ANAPC7: variants seen among roughly 807,000 people sequenced by gnomAD.
ANAPC7 encodes the protein anaphase promoting complex subunit 7, also known as anaphase-promoting complex subunit 7.
ANAPC7 carries 25 observed loss-of-function variants against 63.3 expected under a neutral mutation model. That is an observed-to-expected ratio of 0.39 (90% CI 0.29 to 0.55). ANAPC7 has a LOEUF of 0.55. Among genes scored for constraint, ANAPC7 ranks in the 20% least tolerant of loss-of-function variants. ANAPC7 has a pLI of 0.57. For synonymous variants in ANAPC7, 241 were observed against 251.7 expected (o/e 0.96, Z 0.40); for missense variants, 516 against 691.7 (o/e 0.75, Z 2.85).
chr12:110,403,095 C>CG (rs976522590), intron 1 of ANAPC7, among the ~76,000 whole-genome samples: 5 of 152,042 alleles, frequency 3.3e-5, no homozygotes, highest in Admixed American at 1.3e-4. Context: ...ATACACTTAA[C>CG]GGGGGGACCA....
At chr12:110,377,680 T>C in intron 8 of ANAPC7, 63 bp from the exon 9 acceptor site, 1 of 1,603,078 alleles carries the variant, frequency 6.2e-7, no homozygotes, top group Non-Finnish European at 8.5e-7. Context: ...ATGCTTCCAC[T>C]CTGACAGCTC....
At chr12:110,381,975 A>C in intron 7 of ANAPC7, 27 bp from the exon 8 acceptor site, 3 of 1,457,604 alleles carry the variant, frequency 2.1e-6, no homozygotes, top group South Asian at 1.3e-5. Flanking sequence ...AAAAAAAAAC[A>C]CAAAAACCCC....
At chr12:110,401,031 CA>C (rs1159806098) in intron 1 of ANAPC7, among the ~76,000 whole-genome samples, 2 of 152,138 alleles carry the variant, frequency 1.3e-5, no homozygotes, top group Admixed American at 6.5e-5. Context: ...GCCTGGGCAA[CA>C]AAGCAAGACT....
At chr12:110,403,416 G>C (rs2062262386) in intron 1 of ANAPC7, 111 bp downstream of exon 1, 1 of 1,253,536 alleles carries the variant, frequency 8.0e-7, no homozygotes. Flanking sequence ...CGGAGCCTCC[G>C]CTGGCGCCGG....
At chr12:110,396,931 C>G (rs1461414694) in intron 1 of ANAPC7, among the ~76,000 whole-genome samples, 1 of 151,182 alleles carries the variant, frequency 6.6e-6, no homozygotes, top group South Asian at 2.1e-4. Flanking sequence ...AGGCTGGGTG[C>G]GGTGGCTTAC....
intron 3 of ANAPC7, among the ~76,000 whole-genome samples, chr12:110,391,449 A>C (rs57821814): frequency 0.12 from 17,987 of 152,178 alleles, 1,341 homozygotes; most frequent in African/African-American, 0.22. Flanking sequence ...ATTTAGACAC[A>C]TTTTGACTCA....
At chr12:110,386,683 A>G (rs931887594) in intron 5 of ANAPC7, 8 of 475,880 alleles carry the variant, frequency 1.7e-5, no homozygotes, top group Non-Finnish European at 2.9e-5. Context: ...AGTACCAACA[A>G]ATAACTCTGT....
At position 110,376,216 on chromosome 12, in the gene ANAPC7, C is replaced by T. The variant is rs1401287008; in HGVS notation, c.1358G>A (p.Ser453Asn). ...KAVVKKAELL[S>N]REQKYEDGIA... ...TCCATCTTCATATTTCTGTTCTCTG[C>T]CTGGGGGAATAAAAAAGACCCTCAC... is the stretch of plus-strand genomic sequence containing the variant. Residue 453 changes from serine (S) to asparagine (N), a missense_variant and splice_region_variant, in exon 10 of 11, where the codon AGC (serine) becomes AAC (asparagine). Coordinates refer to ENST00000455511, the MANE Select transcript of ANAPC7 (RefSeq NM_016238.3). The T allele has an allele frequency of 6.2e-7, 1 of 1,613,744 alleles. No individual in the cohort carries two copies. The highest frequency in any genetic ancestry group is 1.1e-5 in the South Asian group (1 of 91,054).
intron 8 of ANAPC7, among the ~76,000 whole-genome samples, chr12:110,380,753 G>T (rs1355877767): frequency 6.6e-6 from 1 of 151,438 alleles, no homozygotes; most frequent in Non-Finnish European, 1.5e-5. Context: ...AGAAGATTGA[G>T]ACCATCCTGG....
Position 110,399,521 on chromosome 12 carries a change from A to C in ANAPC7, c.102-3069T>G, listed in dbSNP as rs576448479. Among the ~76,000 whole-genome samples the C allele has an allele frequency of 3.9e-5, 6 of 151,976 alleles. No individual in the cohort carries two copies. In the South Asian group the frequency reaches 6.3e-4, roughly 16 times the overall value. On this transcript the variant is annotated intron_variant, in intron 1 of 10. Transcript: ENST00000455511. The stretch of plus-strand genomic sequence containing the variant: ...GTTTGCGGGAGGAAGGGACAATTGG[A>C]GAGTGATTACTAATAGACACGGTTT...
At position 110,377,630 on chromosome 12, in the gene ANAPC7, A is replaced by C; in HGVS notation, c.1133-13T>G. 1 of 1,614,146 alleles carries C rather than the reference A, an allele frequency of 6.2e-7. No individual in the cohort carries two copies. Among genetic ancestry groups the C allele is most frequent in the Admixed American group, 1.7e-5 (1 of 60,018 alleles). ...CATTCGATAAGACCTGAAAAAAGTA[A>C]AACACGTGAAGACATTCAATGCCAT... On this transcript the variant is annotated splice_polypyrimidine_tract_variant and intron_variant, in intron 8 of 10. Transcript: ENST00000455511.
chr12:110,382,452 AAAAAAAAAAATATATATATATATAT>A (rs1185206904), intron 7 of ANAPC7, among the ~76,000 whole-genome samples: 10 of 97,992 alleles, frequency 1.0e-4, no homozygotes, highest in African/African-American at 3.3e-4. Context: ...AAAAAAAAAA[AAAAAAAAAAATATATATATATATAT>A]ATATATATAT....
At chr12:110,391,023 C>G (rs976113570) in intron 3 of ANAPC7, among the ~76,000 whole-genome samples, 8 of 152,092 alleles carry the variant, frequency 5.3e-5, no homozygotes, top group Non-Finnish European at 8.8e-5. Flanking sequence ...AACCCCGTCT[C>G]TACTAGAATA....
At chr12:110,385,999 G>A (rs1400887991) in intron 6 of ANAPC7, among the ~76,000 whole-genome samples, 1 of 151,950 alleles carries the variant, frequency 6.6e-6, no homozygotes, top group African/African-American at 2.4e-5. Context: ...GGATATTATG[G>A]TTTTAGGGAT....
Position 110,401,280 on chromosome 12 carries a change from G to A in ANAPC7, c.101+2247C>T, listed in dbSNP as rs745764739. 9.9e-5 allele frequency among the ~76,000 whole-genome samples: 15 copies of A among 152,266 alleles called. No individual in the cohort carries two copies. In the Middle Eastern group the frequency reaches 0.017, roughly 173 times the overall value. On this transcript the variant is annotated intron_variant, in intron 1 of 10. Coordinates refer to ENST00000455511, the MANE Select transcript of ANAPC7 (RefSeq NM_016238.3). The stretch of plus-strand genomic sequence containing the variant: ...TCCAGTCAGAGAAGACCAGGTCCAG[G>A]CATCGTACTCCTCCATTTATTGGAT...
chr12:110,377,254 A>G (rs1287898457), intron 9 of ANAPC7, 139 bp downstream of exon 9: 2 of 722,190 alleles, frequency 2.8e-6, no homozygotes, highest in East Asian at 5.3e-5. Flanking sequence ...AATATAAACC[A>G]ATCCAAGCAG....
In ANAPC7 at chr12:110,396,441, G is replaced by T; in HGVS notation, c.113C>A (p.Ser38Tyr). 2 of 1,606,300 alleles carry T rather than the reference G, an allele frequency of 1.2e-6. No individual in the cohort carries two copies. Among genetic ancestry groups the T allele is most frequent in the South Asian group, 1.1e-5 (1 of 89,462 alleles). Residue 38 changes from serine (S) to tyrosine (Y), a missense_variant, in exon 2 of 11, where the codon TCC becomes TAC. By Grantham distance (144) the Ser-to-Tyr change is moderately radical (BLOSUM62 -2). Around this residue, in one of 4 missense-constraint regions of ANAPC7, gnomAD observed 185 missense variants for 200.3 expected, o/e 0.92. Coordinates refer to ENST00000455511, the MANE Select transcript of ANAPC7 (RefSeq NM_016238.3). ...TMSNNNPELF[S>Y]PPQKYQLLVY... is the part of the protein sequence containing the mutation. ...CAAAAGCTGGTACTTCTGAGGTGGG[G>T]AGAATAACTCACTAGAAAACAAGAG... is the stretch of plus-strand genomic sequence containing the variant.
At chr12:110,394,997 A>G in intron 3 of ANAPC7, 104 bp downstream of exon 3, 3 of 1,349,346 alleles carry the variant, frequency 2.2e-6, no homozygotes, top group Middle Eastern at 2.5e-4. Flanking sequence ...AATTAGAATC[A>G]TGGGTAAAAT....
intron 6 of ANAPC7, among the ~76,000 whole-genome samples, chr12:110,384,787 G>T (rs1882307356): frequency 6.6e-6 from 1 of 152,086 alleles, no homozygotes; most frequent in Non-Finnish European, 1.5e-5. Context: ...TCTATCCTGT[G>T]GTGTGATACA....
Sources: gnomAD v4.1 joint callset for allele counts (sites outside exome capture counted in the v4.1 genomes callset) on GRCh38, gnomAD v4.1.1 for gene constraint, gnomAD v4.1.1 regional missense constraint, MANE v1.5 for transcripts, NCBI Gene and HGNC (gene_info 2026-07-23, HGNC 2026-07-21) for gene names.